Variants in TRIQK observed in about 807,000 individuals in gnomAD.
TRIQK encodes triple QxxK/R motif-containing protein.
A neutral mutation model predicts 10.8 loss-of-function variants in TRIQK; 10 were observed. That is an observed-to-expected ratio of 0.92 (90% CI 0.57 to 1.57). The LOEUF (loss-of-function observed/expected upper bound fraction) is 1.57. Ranked by LOEUF, TRIQK falls within the 40% of genes most tolerant of loss-of-function variation. TRIQK has a pLI of 0.00. For synonymous variants in TRIQK, 33 were observed against 33.7 expected, an observed-to-expected ratio of 0.98 and a Z score of 0.07; for missense variants, 107 against 97.7, an observed-to-expected ratio of 1.09 and a Z score of -0.40.
intron 1 of TRIQK, among the ~76,000 whole-genome samples, chr8:92,961,835 C>A (rs1481063320): frequency 6.6e-6 from 1 of 152,174 alleles, no homozygotes; most frequent in African/African-American, 2.4e-5. Context: ...AATACTACTA[C>A]AGAAGAACTA....
In TRIQK at chr8:92,898,833, G is replaced by GTATATATATATATATATATA. The variant is rs67063066; in HGVS notation, c.62-6779_62-6760dup. 5.4e-4 allele frequency among the ~76,000 whole-genome samples: 40 copies of GTATATATATATATATATATA among 73,910 alleles called. 1 individual carries two copies. The highest frequency in any genetic ancestry group is 7.0e-4 in the Non-Finnish European group (28 of 39,966). The allele number at this position is 73,910 out of a possible 152,430, so 48.5% of individuals were successfully genotyped here. On this transcript the variant is annotated intron_variant, in intron 3 of 4. Coordinates refer to ENST00000521988, the MANE Select transcript of TRIQK (RefSeq NM_001171797.2). ...GCAGGTACATAATAGGTGTGTGTGT[G>GTATATATATATATATATATA]TATATATATATATATATATATATAT...
chr8:92,982,137 A>G (rs939705416), intron 1 of TRIQK, among the ~76,000 whole-genome samples: 4 of 151,830 alleles, frequency 2.6e-5, no homozygotes, highest in African/African-American at 9.7e-5. Flanking sequence ...ATTATCAATA[A>G]TTATTGAAAA....
chr8:92,998,687 T>A (rs1322462343), intron 1 of TRIQK, among the ~76,000 whole-genome samples: 1 of 152,054 alleles, frequency 6.6e-6, no homozygotes, highest in Non-Finnish European at 1.5e-5. Context: ...TCATTAGTTT[T>A]TATTCATTTG....
At chr8:92,895,064 T>C (rs550838234) in intron 3 of TRIQK, among the ~76,000 whole-genome samples, 1 of 152,272 alleles carries the variant, frequency 6.6e-6, no homozygotes, top group South Asian at 2.1e-4. Flanking sequence ...AATAACTTAA[T>C]GCCATTATTG....
At chr8:93,011,205 C>CACATATATAT (rs769949767) in intron 1 of TRIQK, among the ~76,000 whole-genome samples, 15 of 121,520 alleles carry the variant, frequency 1.2e-4, no homozygotes, top group South Asian at 1.1e-3. Context: ...CACACACACA[C>CACATATATAT]ATATATATAT....
chr8:92,942,023 T>C (rs1811294925), intron 2 of TRIQK, among the ~76,000 whole-genome samples: 1 of 152,150 alleles, frequency 6.6e-6, no homozygotes, highest in Non-Finnish European at 1.5e-5. Flanking sequence ...CTAATTTTAC[T>C]AAAATTATTC....
At chr8:92,895,976 T>C (rs1205905154) in intron 3 of TRIQK, among the ~76,000 whole-genome samples, 1 of 152,096 alleles carries the variant, frequency 6.6e-6, no homozygotes, top group Non-Finnish European at 1.5e-5. Flanking sequence ...AAGCAACCCT[T>C]TGCTAAAGAG....
chr8:92,991,695 G>T (rs1024873711), intron 1 of TRIQK, among the ~76,000 whole-genome samples: 2 of 152,180 alleles, frequency 1.3e-5, no homozygotes, highest in African/African-American at 4.8e-5. Flanking sequence ...ATTCAAATGG[G>T]AAGAGAGGAA....
intron 1 of TRIQK, among the ~76,000 whole-genome samples, chr8:93,003,821 A>G (rs1813239684): frequency 6.6e-6 from 1 of 152,244 alleles, no homozygotes; most frequent in Non-Finnish European, 1.5e-5. Context: ...GCCCCATGCA[A>G]ATTCAAAACT....
intron 1 of TRIQK, among the ~76,000 whole-genome samples, chr8:92,988,751 C>G (rs1315786770): frequency 6.6e-6 from 1 of 152,170 alleles, no homozygotes; most frequent in Non-Finnish European, 1.5e-5. Context: ...ACTTATCTCT[C>G]TTAACAATTA....
chr8:93,009,607 CA>C (rs35457757), intron 1 of TRIQK, among the ~76,000 whole-genome samples: 125 of 135,584 alleles, frequency 9.2e-4, no homozygotes, highest in Non-Finnish European at 9.6e-4. Context: ...GACTCTGCCT[CA>C]AAAAAAAAAA....
intron 2 of TRIQK, among the ~76,000 whole-genome samples, chr8:92,927,787 G>A (rs1006274205): frequency 2.0e-5 from 3 of 152,092 alleles, no homozygotes; most frequent in Non-Finnish European, 4.4e-5. Context: ...AAAAGAGAGA[G>A]GTAGAGGACA....
At chr8:92,981,135 T>A (rs1340025393) in intron 1 of TRIQK, among the ~76,000 whole-genome samples, 1 of 151,792 alleles carries the variant, frequency 6.6e-6, no homozygotes, top group Non-Finnish European at 1.5e-5. Context: ...TACTTGATAG[T>A]TTTATAGGTT....
intron 2 of TRIQK, among the ~76,000 whole-genome samples, chr8:92,920,673 G>A (rs1810132106): frequency 2.0e-5 from 3 of 151,778 alleles, no homozygotes; most frequent in Non-Finnish European, 3.0e-5. Context: ...AGCACAGAAA[G>A]AAAGTGGACA....
intron 3 of TRIQK, among the ~76,000 whole-genome samples, chr8:92,901,039 C>T (rs1233313723): frequency 6.6e-6 from 1 of 151,578 alleles, no homozygotes; most frequent in African/African-American, 2.4e-5. Context: ...TTTTCAGACT[C>T]TTTGCTATTG....
At chr8:92,930,390 C>CAAAAA (rs66513185) in intron 2 of TRIQK, among the ~76,000 whole-genome samples, 1 of 47,136 alleles carries the variant, frequency 2.1e-5, no homozygotes, top group Non-Finnish European at 3.6e-5. Flanking sequence ...ACTAGGTCTC[C>CAAAAA]AAAAAAAAAA....
intron 1 of TRIQK, among the ~76,000 whole-genome samples, chr8:93,003,882 G>A (rs2130758760): frequency 6.6e-6 from 1 of 152,326 alleles, no homozygotes; most frequent in South Asian, 2.1e-4. Flanking sequence ...TCCTCTGACT[G>A]TATGTCTCAC....
intron 1 of TRIQK, among the ~76,000 whole-genome samples, chr8:93,002,782 TG>T (rs1418159599): frequency 6.6e-6 from 1 of 151,758 alleles, no homozygotes; most frequent in Non-Finnish European, 1.5e-5. Flanking sequence ...TAGCCGGGTG[TG>T]GTAGGGGGAG....
chr8:92,916,890 C>T (rs2130458135), intron 3 of TRIQK, 39 bp downstream of exon 3: 3 of 1,339,786 alleles, frequency 2.2e-6, no homozygotes, highest in Non-Finnish European at 2.9e-6. Flanking sequence ...GTTTTTATCT[C>T]AATTAATAGG....
Sources: allele counts gnomAD v4.1 joint callset (sites outside exome capture counted in the v4.1 genomes callset), GRCh38; gene constraint gnomAD v4.1.1; transcripts MANE v1.5; gene names NCBI Gene and HGNC (gene_info 2026-07-23, HGNC 2026-07-21).